Variants in PRIM2 observed in about 807,000 individuals in gnomAD.
The protein encoded by PRIM2 is DNA primase subunit 2.
Under a neutral mutation model 67.3 loss-of-function variants are expected in PRIM2, and 39 were observed. The observed-to-expected ratio is 0.58, with a 90% CI of 0.45 to 0.76. The LOEUF is 0.76. PRIM2 is among the 30% of genes least tolerant of loss of function. PRIM2 has a pLI of 0.00. For synonymous variants in PRIM2, 143 were observed against 198.7 expected, an observed-to-expected ratio of 0.72 and a Z score of 2.36; for missense variants, 398 against 598.7, an observed-to-expected ratio of 0.66 and a Z score of 3.50.
At chr6:57,272,101 T>C in the PRIM2 span, among the ~76,000 whole-genome samples, 11 of 152,310 alleles carry the variant, frequency 7.2e-5, no homozygotes, top group South Asian at 2.3e-3. Flanking sequence ...GAACGTATAT[T>C]CTATTGATTT....
chr6:57,465,058 C>T (rs1239444134), intron 7 of PRIM2, among the ~76,000 whole-genome samples: 1 of 152,098 alleles, frequency 6.6e-6, no homozygotes, highest in African/African-American at 2.4e-5. Flanking sequence ...ACATTTGCTA[C>T]TCTGATCATT....
the PRIM2 span, among the ~76,000 whole-genome samples, chr6:57,287,974 G>A: frequency 3.3e-5 from 5 of 152,172 alleles, no homozygotes; most frequent in East Asian, 5.8e-4. Context: ...GCAGGGTGTC[G>A]CCTCACCCAG....
At chr6:57,544,836 T>G (rs1392419534) in intron 10 of PRIM2, among the ~76,000 whole-genome samples, 24,658 of 152,190 alleles carry the variant, frequency 0.16, 2,189 homozygotes, top group Non-Finnish European at 0.21. Flanking sequence ...AATAAATGTT[T>G]ATTGAATAAA....
chr6:57,520,872 G>A (rs1348220755), intron 8 of PRIM2, among the ~76,000 whole-genome samples: 1 of 152,102 alleles, frequency 6.6e-6, no homozygotes, highest in Non-Finnish European at 1.5e-5. Flanking sequence ...ACCATTTATA[G>A]TTCCTACCTG....
intron 6 of PRIM2, among the ~76,000 whole-genome samples, chr6:57,380,367 G>C (rs78155230): frequency 2.6e-4 from 39 of 151,976 alleles, no homozygotes; most frequent in South Asian, 1.0e-3. Flanking sequence ...GCCCCCTTTC[G>C]CTTCTCTTGA....
chr6:57,543,632 G>T (rs1775224368), intron 10 of PRIM2, among the ~76,000 whole-genome samples: 1 of 152,106 alleles, frequency 6.6e-6, no homozygotes, highest in African/African-American at 2.4e-5. Flanking sequence ...TAGATATACT[G>T]CCTGGAACAA....
the PRIM2 span, among the ~76,000 whole-genome samples, chr6:57,246,956 G>T: frequency 6.6e-6 from 1 of 151,698 alleles, no homozygotes; most frequent in African/African-American, 2.4e-5. Context: ...CTGGGTTCAC[G>T]CTATTCTCCT....
intron 12 of PRIM2, among the ~76,000 whole-genome samples, chr6:57,627,276 T>C (rs1776964047): frequency 5.1e-5 from 1 of 19,542 alleles, no homozygotes; most frequent in Admixed American, 9.4e-4. Flanking sequence ...TGAGACTCTG[T>C]CTCAAAAAAA....
intron 7 of PRIM2, among the ~76,000 whole-genome samples, chr6:57,439,157 T>C (rs987131675): frequency 3.9e-5 from 6 of 152,188 alleles, no homozygotes; most frequent in African/African-American, 1.4e-4. Context: ...TTTTTAGTCA[T>C]GGTCACTTTG....
rs1326934958 is a variant in PRIM2, at chr6:57,470,669, A to G, written c.694-36718A>G. ...TATATCAAAAGTATTAAATAATTGT[A>G]TGTAGCCTTTTGTTGGTAGATATTC... On this transcript the variant is annotated intron_variant, in intron 7 of 13. Coordinates refer to ENST00000615550, the MANE Select transcript of PRIM2 (RefSeq NM_000947.5). Among the ~76,000 whole-genome samples, 16 of 151,994 alleles carry G rather than the reference A, an allele frequency of 1.1e-4. No individual in the cohort carries two copies. In the East Asian group the frequency reaches 2.9e-3, roughly 28 times the overall value.
chr6:57,380,407 GTC>G (rs941086490), intron 6 of PRIM2, among the ~76,000 whole-genome samples: 1 of 152,056 alleles, frequency 6.6e-6, no homozygotes, highest in Admixed American at 6.6e-5. Flanking sequence ...TTGCCTCATG[GTC>G]TCTCTGTGAT....
chr6:57,429,750 C>T (rs1771758076), intron 7 of PRIM2, among the ~76,000 whole-genome samples: 2 of 152,146 alleles, frequency 1.3e-5, no homozygotes. Flanking sequence ...GCTGTGAGAA[C>T]AGAGGAAAGA....
chr6:57,227,240 T>C, the PRIM2 span, among the ~76,000 whole-genome samples: 3 of 152,220 alleles, frequency 2.0e-5, no homozygotes, highest in African/African-American at 4.8e-5. Flanking sequence ...CTGTGTGATA[T>C]TCTTCCTCAC....
intron 10 of PRIM2, among the ~76,000 whole-genome samples, chr6:57,585,630 C>A (rs1282767145): frequency 6.6e-6 from 1 of 151,984 alleles, no homozygotes; most frequent in Non-Finnish European, 1.5e-5. Context: ...GATTAGATAC[C>A]GAGGGTGATC....
intron 10 of PRIM2, among the ~76,000 whole-genome samples, chr6:57,543,587 T>C (rs1189646072): frequency 2.6e-5 from 4 of 152,190 alleles, no homozygotes; most frequent in African/African-American, 9.6e-5. Flanking sequence ...TCCAGCAATT[T>C]TGAGCTCTAA....
At chr6:57,504,329 T>C (rs1399586847) in intron 7 of PRIM2, among the ~76,000 whole-genome samples, 2 of 152,214 alleles carry the variant, frequency 1.3e-5, no homozygotes, top group Non-Finnish European at 2.9e-5. Flanking sequence ...TATTAGTTGG[T>C]AAAATGCATT....
At chr6:57,483,856 A>G (rs1174991256) in intron 7 of PRIM2, among the ~76,000 whole-genome samples, 1 of 152,250 alleles carries the variant, frequency 6.6e-6, no homozygotes, top group Non-Finnish European at 1.5e-5. Flanking sequence ...TTTCTTTGAA[A>G]TGTAAGGTTA....
intron 10 of PRIM2, among the ~76,000 whole-genome samples, chr6:57,598,046 C>T (rs1311976188): frequency 6.6e-6 from 1 of 152,026 alleles, no homozygotes; most frequent in African/African-American, 2.4e-5. Context: ...TCTTTATAGC[C>T]ATTTCACTCT....
intron 10 of PRIM2, among the ~76,000 whole-genome samples, chr6:57,542,475 C>T (rs1395006866): frequency 1.3e-5 from 2 of 152,132 alleles, no homozygotes; most frequent in South Asian, 2.1e-4. Flanking sequence ...CTTTTATGTA[C>T]ATCTGGAATA....
Sources: gnomAD v4.1 joint callset for allele counts (sites outside exome capture counted in the v4.1 genomes callset) on GRCh38, gnomAD v4.1.1 for gene constraint, MANE v1.5 for transcripts, NCBI Gene and HGNC (gene_info 2026-07-23, HGNC 2026-07-21) for gene names.